Variants in RBFOX1 observed in about 807,000 individuals in gnomAD.
The protein encoded by RBFOX1 is RNA binding fox-1 homolog 1.
In RBFOX1, 8 loss-of-function variants were observed where a neutral mutation model predicts 57.7. The observed-to-expected ratio is 0.14, with a 90% confidence interval of 0.08 to 0.25. The LOEUF (loss-of-function observed/expected upper bound fraction) is 0.25, where lower values mean the gene tolerates loss of function less well. Among genes scored for constraint, RBFOX1 ranks in the 10% least tolerant of loss-of-function variants. RBFOX1 has a pLI of 1.00. For missense variants in RBFOX1, 611 were observed against 548.5 expected (o/e 1.11, Z -1.14); for synonymous variants, 326 against 222.4 (o/e 1.47, Z -4.15).
At chr16:6,857,262 A>G (rs2058079554) in intron 3 of RBFOX1, among the ~76,000 whole-genome samples, 1 of 152,164 alleles carries the variant, frequency 6.6e-6, no homozygotes, top group African/African-American at 2.4e-5. Flanking sequence ...CAATCTCTAA[A>G]TAAATCGCAA....
intron 4 of RBFOX1, among the ~76,000 whole-genome samples, chr16:7,263,704 T>A (rs541491097): frequency 2.0e-5 from 3 of 152,074 alleles, no homozygotes; most frequent in Admixed American, 2.0e-4. Flanking sequence ...GAGACCAGCC[T>A]GGCTAACATG....
intron 4 of RBFOX1, among the ~76,000 whole-genome samples, chr16:7,100,589 A>C (rs547182092): frequency 7.0e-6 from 1 of 142,132 alleles, no homozygotes; most frequent in African/African-American, 2.7e-5. Flanking sequence ...TTTTTTTAGC[A>C]TATGGCTATA....
At chr16:6,724,869 C>G (rs2066817613) in intron 3 of RBFOX1, among the ~76,000 whole-genome samples, 1 of 151,988 alleles carries the variant, frequency 6.6e-6, no homozygotes, top group African/African-American at 2.4e-5. Flanking sequence ...TTTCCTAATG[C>G]TCTGCCTCCC....
intron 4 of RBFOX1, among the ~76,000 whole-genome samples, chr16:7,133,967 A>T (rs2071221045): frequency 6.6e-6 from 1 of 152,226 alleles, no homozygotes. Flanking sequence ...CAGGTTGATA[A>T]CATTAGGCTC....
intron 4 of RBFOX1, among the ~76,000 whole-genome samples, chr16:5,908,608 CT>C (rs1411297247): frequency 6.6e-6 from 1 of 152,062 alleles, no homozygotes; most frequent in Non-Finnish European, 1.5e-5. Flanking sequence ...CCACCTTGGC[CT>C]CCCAAAGTGC....
At chr16:6,254,252 C>G (rs532103028) in intron 1 of RBFOX1, among the ~76,000 whole-genome samples, 3 of 152,220 alleles carry the variant, frequency 2.0e-5, no homozygotes, top group African/African-American at 4.8e-5. Flanking sequence ...TCCATGTGAA[C>G]TAAACAGATG....
chr16:7,600,244 A>C (rs2140953952), intron 9 of RBFOX1, among the ~76,000 whole-genome samples: 1 of 152,286 alleles, frequency 6.6e-6, no homozygotes, highest in South Asian at 2.1e-4. Flanking sequence ...ATGGCACCTA[A>C]GGGGTTGATG....
At chr16:5,941,790 C>A (rs1418035465) in intron 4 of RBFOX1, among the ~76,000 whole-genome samples, 1 of 151,958 alleles carries the variant, frequency 6.6e-6, no homozygotes, top group Non-Finnish European at 1.5e-5. Context: ...TAGCTTCTCA[C>A]TGGGTCTCAA....
At chr16:6,652,128 T>A (rs2098601335) in intron 2 of RBFOX1, among the ~76,000 whole-genome samples, 2 of 152,062 alleles carry the variant, frequency 1.3e-5, no homozygotes, top group Non-Finnish European at 1.5e-5. Context: ...AAGGGTGGGG[T>A]CTTAATCCAA....
At chr16:6,207,425 C>A (rs895978172) in intron 1 of RBFOX1, among the ~76,000 whole-genome samples, 1 of 152,072 alleles carries the variant, frequency 6.6e-6, no homozygotes, top group Admixed American at 6.6e-5. Flanking sequence ...AGAGGCAATC[C>A]GTTTGACAGA....
chr16:6,627,767 C>G (rs1449643708), intron 2 of RBFOX1, among the ~76,000 whole-genome samples: 2 of 151,956 alleles, frequency 1.3e-5, no homozygotes, highest in East Asian at 1.9e-4. Context: ...TGGTGCAGGT[C>G]GAAACTGAAG....
At chr16:5,394,425 T>G (rs1051468306) in intron 1 of RBFOX1, among the ~76,000 whole-genome samples, 2 of 152,192 alleles carry the variant, frequency 1.3e-5, no homozygotes, top group African/African-American at 2.4e-5. Flanking sequence ...ATCATTGTGC[T>G]TTTCTGATGA....
Position 6,622,092 on chromosome 16 carries a change from T to C in RBFOX1, c.-63-32511T>C, listed in dbSNP as rs117892427. ...GTGGAAAGGGAATATGTATGGAATATTATTAAATAGTTTTACTGAATTATT... is the reference window on the plus strand; with the variant it reads ...GTGGAAAGGGAATATGTATGGAATACTATTAAATAGTTTTACTGAATTATT... On this transcript the variant is annotated intron_variant, in intron 2 of 15. Coordinates refer to ENST00000550418, the MANE Select transcript of RBFOX1 (RefSeq NM_018723.4). Among the ~76,000 whole-genome samples, 888 of 152,296 alleles carry C rather than the reference T, an allele frequency of 5.8e-3. 9 individuals carry two copies. The highest frequency in any genetic ancestry group is 8.4e-3 in the Non-Finnish European group (570 of 68,030).
At chr16:7,698,853 G>A (rs2079669077) in intron 14 of RBFOX1, among the ~76,000 whole-genome samples, 1 of 152,174 alleles carries the variant, frequency 6.6e-6, no homozygotes, top group Non-Finnish European at 1.5e-5. Context: ...CAGGCTTGCT[G>A]CATGCAATAA....
chr16:6,140,593 A>T (rs1243181830), intron 1 of RBFOX1, among the ~76,000 whole-genome samples: 3 of 152,076 alleles, frequency 2.0e-5, no homozygotes, highest in Non-Finnish European at 2.9e-5. Context: ...CAATGAGAGG[A>T]GCAACAATTA....
At chr16:6,080,160 A>G (rs1298835626) in intron 1 of RBFOX1, among the ~76,000 whole-genome samples, 8 of 152,144 alleles carry the variant, frequency 5.3e-5, no homozygotes, top group Non-Finnish European at 1.0e-4. Flanking sequence ...AGGCAAGGAG[A>G]GAGCGTGGCA....
chr16:5,607,521 C>G (rs568029156), intron 3 of RBFOX1, among the ~76,000 whole-genome samples: 2 of 152,106 alleles, frequency 1.3e-5, no homozygotes, highest in African/African-American at 4.8e-5. Flanking sequence ...ATGATACTGA[C>G]GGGTTTCAAT....
intron 2 of RBFOX1, among the ~76,000 whole-genome samples, chr16:6,416,029 G>T (rs1266674777): frequency 6.6e-6 from 1 of 152,190 alleles, no homozygotes; most frequent in Non-Finnish European, 1.5e-5. Flanking sequence ...CTGTTTCTGA[G>T]ATGAGCTACA....
intron 2 of RBFOX1, among the ~76,000 whole-genome samples, chr16:6,622,994 A>C (rs1007739900): frequency 1.3e-5 from 2 of 152,176 alleles, no homozygotes; most frequent in African/African-American, 2.4e-5. Flanking sequence ...AAGATTAGCT[A>C]TTTTAATGAA....
Sources: allele counts gnomAD v4.1 joint callset (sites outside exome capture counted in the v4.1 genomes callset), GRCh38; gene constraint gnomAD v4.1.1; transcripts MANE v1.5; gene names NCBI Gene and HGNC (gene_info 2026-07-23, HGNC 2026-07-21).